ZNF552: variants seen among roughly 807,000 people sequenced by gnomAD.
ZNF552 encodes the protein zinc finger protein 552.
Under a neutral mutation model 7.2 loss-of-function variants are expected in ZNF552, and 2 were observed. That is an observed-to-expected ratio of 0.28 (90% CI 0.11 to 0.88). The LOEUF (loss-of-function observed/expected upper bound fraction) is 0.88, where lower values mean the gene tolerates loss of function less well. Ranked by LOEUF, ZNF552 falls within the 40% of genes least tolerant of loss-of-function variation. The pLI is 0.60. For missense variants in ZNF552, 421 were observed against 493.4 expected (o/e 0.85, Z 1.39); for synonymous variants, 173 against 176.5 (o/e 0.98, Z 0.16).
At chr19:57,814,124 T>C (rs1224682292) in intron 1 of ZNF552, among the ~76,000 whole-genome samples, 1 of 152,150 alleles carries the variant, frequency 6.6e-6, no homozygotes, top group Non-Finnish European at 1.5e-5. Flanking sequence ...ACTGTGTCCC[T>C]GATAGGATCT....
rs1269957775 is a variant in ZNF552 at position 57,807,583 on chromosome 19, T to A, written c.*457A>T. 1.3e-5 allele frequency: 2 copies of A among 155,248 alleles called. No individual in the cohort carries two copies. The highest frequency in any genetic ancestry group is 3.8e-4 in the East Asian group (2 of 5,234). 9.6% of individuals were successfully genotyped at this position (155,248 alleles called of 1,614,324 possible). A position where few individuals can be genotyped will look rare whatever the true frequency, so the allele number is the denominator to read the frequency against. ...AAAGAAAAAGAAAATTCAAGACTTA[T>A]CCTACAGCTCAAATATGCATACTTT... On this transcript the variant is annotated 3_prime_UTR_variant, in exon 3 of 3. Transcript: ENST00000391701.
At position 57,807,988 on chromosome 19, in the gene ZNF552, T is replaced by C; in HGVS notation, c.*52A>G. 6.6e-7 allele frequency: 1 copy of C among 1,526,260 alleles called. No individual in the cohort carries two copies. The highest frequency in any genetic ancestry group is 2.3e-5 in the East Asian group (1 of 44,244). The allele number at this position is 1,526,260 out of a possible 1,614,324, so 94.5% of individuals were successfully genotyped here. On this transcript the variant is annotated 3_prime_UTR_variant, in exon 3 of 3. Transcript: ENST00000391701. ...TTCCACATTTGCTGCAATCACAGGA[T>C]CTTACTCAGGTGTGTATTCTCCAAT...
In ZNF552 at chr19:57,808,218, T is replaced by A; in HGVS notation, c.1046A>T (p.Gln349Leu). The A allele has an allele frequency of 6.2e-7, 1 of 1,614,200 alleles. No homozygotes were observed. The highest frequency in any genetic ancestry group is 8.5e-7 in the Non-Finnish European group (1 of 1,180,020). Residue 349 changes from glutamine to leucine, a missense_variant, in exon 3 of 3, where the codon CAG becomes CTG. Physicochemically the swap from Gln to Leu is moderately radical, Grantham distance 113. Around this residue, in one of 2 missense-constraint regions of ZNF552, gnomAD observed 299 missense variants for 293.7 expected, o/e 1.02. Transcript: ENST00000391701. ...FRVHKRVHTG[Q>L]KPYECSECGK... Reference sequence around the variant, plus strand: ...ACATTCACTGCACTCATAAGGCTTCTGACCAGTGTGAACTCTCTTATGAAC... The same window carrying A: ...ACATTCACTGCACTCATAAGGCTTCAGACCAGTGTGAACTCTCTTATGAAC...
intron 2 of ZNF552, 161 bp from the exon 3 acceptor site, chr19:57,809,264 G>A (rs1263537863): frequency 1.3e-6 from 2 of 1,503,776 alleles, no homozygotes; most frequent in Admixed American, 3.9e-5. Context: ...ATTATTACTG[G>A]ACTATAATGG....
Position 57,814,806 on chromosome 19 carries a change from G to C in ZNF552, c.-63C>G, listed in dbSNP as rs1987930277. On this transcript the variant is annotated 5_prime_UTR_variant, in exon 1 of 3. Transcript: ENST00000391701. ...CGCCGTTAAAGAGCTGCAGAGTCAC[G>C]TCTGTGCAAAGAGAAGAACGACTCT... 13 of 1,523,164 alleles carry C rather than the reference G, an allele frequency of 8.5e-6. No homozygotes were observed. In the East Asian group the frequency reaches 2.7e-4, roughly 32 times the overall value. The allele number at this position is 1,523,164 out of a possible 1,614,324, so 94.4% of individuals were successfully genotyped here.
intron 2 of ZNF552, among the ~76,000 whole-genome samples, chr19:57,812,726 A>C (rs965826082): frequency 2.6e-5 from 4 of 152,038 alleles, no homozygotes; most frequent in African/African-American, 9.7e-5. Context: ...GTGCCACCAC[A>C]CCTGGCTAAT....
chr19:57,812,843 A>G (rs1987882791), intron 2 of ZNF552, among the ~76,000 whole-genome samples: 1 of 152,234 alleles, frequency 6.6e-6, no homozygotes, highest in African/African-American at 2.4e-5. Context: ...TGCAGAAATT[A>G]TAGGCATGAG....
Position 57,808,396 on chromosome 19 carries a change from G to A in ZNF552, c.868C>T (p.His290Tyr). 1.2e-6 allele frequency: 2 copies of A among 1,613,590 alleles called. No individual in the cohort carries two copies. Among genetic ancestry groups the A allele is most frequent in the South Asian group, 2.2e-5 (2 of 91,024 alleles). Residue 290 changes from histidine to tyrosine, a missense_variant, in exon 3 of 3, where the codon CAC becomes TAC. Around this residue, in one of 2 missense-constraint regions of ZNF552, gnomAD observed 299 missense variants for 293.7 expected, o/e 1.02. Coordinates refer to ENST00000391701, the MANE Select transcript of ZNF552 (RefSeq NM_024762.3). ...KSHLLVHQRI[H>Y]TGEKPYECEV... ...CACTCATATGGCTTCTCTCCAGTGT[G>A]AATTCTCTGGTGTACAAGGAGGTGG...
intron 2 of ZNF552, chr19:57,813,007 C>A: frequency 2.1e-6 from 1 of 467,520 alleles, no homozygotes; most frequent in Non-Finnish European, 3.8e-6. Context: ...GATCCCGAAC[C>A]TGAAATCTGG....
At chr19:57,814,519 G>T in intron 1 of ZNF552, 192 bp downstream of exon 1, 1 of 1,537,150 alleles carries the variant, frequency 6.5e-7, no homozygotes, top group Non-Finnish European at 8.7e-7. Flanking sequence ...CATTGCCCGC[G>T]CCCCTCCCTG....
At chr19:57,811,769 G>C (rs1987863549) in intron 2 of ZNF552, among the ~76,000 whole-genome samples, 1 of 147,422 alleles carries the variant, frequency 6.8e-6, no homozygotes, top group Non-Finnish European at 1.5e-5. Flanking sequence ...AGTGGATCAT[G>C]CCTGTAATCC....
chr19:57,810,618 C>T (rs564810411), intron 2 of ZNF552, among the ~76,000 whole-genome samples: 4 of 152,298 alleles, frequency 2.6e-5, no homozygotes, highest in African/African-American at 9.6e-5. Flanking sequence ...ACACAAAACA[C>T]TGCCTAGGAA....
Position 57,808,785 on chromosome 19 carries a change from C to G in ZNF552, c.479G>C (p.Cys160Ser). The G allele has an allele frequency of 1.2e-6, 2 of 1,614,204 alleles. No individual in the cohort carries two copies. The highest frequency in any genetic ancestry group is 1.7e-6 in the Non-Finnish European group (2 of 1,180,058). ...TGACTCCCCTGACACATGCAACTTA[C>G]ACCTCTTCGCAAACAACGCCTCCTC... ...SVEEALFAKRCKLHVSGESSV... is the reference protein window; with the variant it reads ...SVEEALFAKRSKLHVSGESSV... The change falls in exon 3 of 3, where the codon TGT becomes TCT. Residue 160 changes from cysteine to serine, a missense_variant. Cys to Ser is a moderately radical substitution (Grantham distance 112). Coordinates refer to ENST00000391701, the MANE Select transcript of ZNF552 (RefSeq NM_024762.3).
chr19:57,810,052 A>C (rs78607697), intron 2 of ZNF552, among the ~76,000 whole-genome samples: 1 of 152,080 alleles, frequency 6.6e-6, no homozygotes, highest in Non-Finnish European at 1.5e-5. Flanking sequence ...GGCTGTGTGA[A>C]CTATATTCAC....
chr19:57,810,257 G>C (rs1007735639), intron 2 of ZNF552, among the ~76,000 whole-genome samples: 10 of 151,974 alleles, frequency 6.6e-5, no homozygotes, highest in African/African-American at 2.2e-4. Flanking sequence ...ATCACCTGAC[G>C]TCAGGAGTTT....
intron 1 of ZNF552, among the ~76,000 whole-genome samples, chr19:57,814,273 C>G (rs1270858788): frequency 6.6e-6 from 1 of 152,144 alleles, no homozygotes; most frequent in Admixed American, 6.5e-5. Flanking sequence ...TCAAAGGGCC[C>G]CAACGTCATC....
At chr19:57,810,769 A>G (rs1326883133) in intron 2 of ZNF552, among the ~76,000 whole-genome samples, 2 of 152,156 alleles carry the variant, frequency 1.3e-5, no homozygotes, top group Non-Finnish European at 2.9e-5. Context: ...TGCAGTTGAG[A>G]TAAGAGGAGG....
Position 57,808,776 on chromosome 19 carries a change from T to G in ZNF552, c.488A>C (p.His163Pro), listed in dbSNP as rs1360855011. 6.8e-6 allele frequency: 11 copies of G among 1,614,068 alleles called. No homozygotes were observed. In the African/African-American group the frequency reaches 1.2e-4, roughly 18 times the overall value. Residue 163 changes from histidine (H) to proline (P), a missense_variant, in exon 3 of 3, where the codon CAT (histidine) becomes CCT (proline). Transcript: ENST00000391701. ...EALFAKRCKL[H>P]VSGESSVFSE... ...GAAGACAGATGACTCCCCTGACACATGCAACTTACACCTCTTCGCAAACAA... is the reference window on the plus strand; with the variant it reads ...GAAGACAGATGACTCCCCTGACACAGGCAACTTACACCTCTTCGCAAACAA...
In ZNF552 at chr19:57,808,186, A is replaced by G. The variant is rs1252424874; in HGVS notation, c.1078T>C (p.Ser360Pro). The G allele has an allele frequency of 6.2e-7, 1 of 1,614,000 alleles. No homozygotes were observed. Among genetic ancestry groups the G allele is most frequent in the African/African-American group, 1.3e-5 (1 of 74,896 alleles). ...KPYECSECGK[S>P]FAESSSLTKH... is the part of the protein sequence containing the mutation. The stretch of plus-strand genomic sequence containing the variant: ...GTGAGACTGGAGCTTTCGGCAAAAG[A>G]TTTCCCACATTCACTGCACTCATAA... The change falls in exon 3 of 3, where the codon TCT (serine) becomes CCT (proline). Residue 360 changes from serine to proline, a missense_variant. Around this residue, in one of 2 missense-constraint regions of ZNF552, gnomAD observed 299 missense variants for 293.7 expected, o/e 1.02. Coordinates refer to ENST00000391701, the MANE Select transcript of ZNF552 (RefSeq NM_024762.3).
Sources: allele counts gnomAD v4.1 joint callset (sites outside exome capture counted in the v4.1 genomes callset), GRCh38; gene constraint gnomAD v4.1.1; regional missense constraint gnomAD v4.1.1; transcripts MANE v1.5; gene names NCBI Gene and HGNC (gene_info 2026-07-23, HGNC 2026-07-21).